The following ACTR5 variants were observed in gnomAD, a reference collection of about 807,000 sequenced individuals.
ACTR5 encodes actin-related protein 5.
ACTR5 carries 43 observed loss-of-function variants against 61.2 expected under a neutral mutation model. The observed-to-expected ratio is 0.70, with a 90% confidence interval of 0.55 to 0.91. ACTR5 has a LOEUF of 0.91. Among genes scored for constraint, ACTR5 ranks in the 40% least tolerant of loss-of-function variants. ACTR5 has a pLI of 0.00. For synonymous variants in ACTR5, 333 were observed against 310.5 expected (o/e 1.07, Z -0.76); for missense variants, 798 against 782.2 (o/e 1.02, Z -0.24).
At chr20:38,755,436 G>T (rs1393702233) in intron 4 of ACTR5, among the ~76,000 whole-genome samples, 1 of 152,120 alleles carries the variant, frequency 6.6e-6, no homozygotes, top group Non-Finnish European at 1.5e-5. Context: ...CATACATGAT[G>T]CAAAGTGCAC....
chr20:38,771,453 A>T lies in ACTR5; in HGVS notation c.1567-106A>T, dbSNP rs1353484569. The T allele has an allele frequency of 4.1e-6, 6 of 1,466,752 alleles. No homozygotes were observed. In the African/African-American group the frequency reaches 8.4e-5, roughly 21 times the overall value. 90.9% of individuals were successfully genotyped at this position (1,466,752 alleles called of 1,614,324 possible). A position where few individuals can be genotyped will look rare whatever the true frequency, so the allele number is the denominator to read the frequency against. On this transcript the variant is annotated intron_variant, in intron 8 of 8. Transcript: ENST00000243903. ...GTCTTGGAGTGCACTGGGCCCACCT[A>T]TGTGTATATTTCTGGGGATAAAATA... is the stretch of plus-strand genomic sequence containing the variant.
In ACTR5 at chr20:38,755,119, G is replaced by C. The variant is rs201062646; in HGVS notation, c.938G>C (p.Arg313Pro). ...RRLQELNARR[R>P]EEKLQLDQER... Reference sequence around the variant, plus strand: ...CTGCAGGAGCTCAATGCCCGGCGGCGGGAGGAGAAGCTGCAGCTGGATCAG... The same window carrying C: ...CTGCAGGAGCTCAATGCCCGGCGGCCGGAGGAGAAGCTGCAGCTGGATCAG... Residue 313 changes from arginine to proline, a missense_variant, in exon 4 of 9, where the codon CGG becomes CCG. By Grantham distance (103) the Arg-to-Pro change is moderately radical. Transcript: ENST00000243903. The C allele has an allele frequency of 6.2e-7, 1 of 1,613,924 alleles. No homozygotes were observed. Among genetic ancestry groups the C allele is most frequent in the Admixed American group, 1.7e-5 (1 of 59,994 alleles).
intron 2 of ACTR5, 113 bp downstream of exon 2, chr20:38,750,352 A>C: frequency 1.1e-6 from 1 of 883,444 alleles, no homozygotes; most frequent in East Asian, 2.6e-5. Flanking sequence ...CTGTGAACTG[A>C]GCCGTTGGGC....
chr20:38,750,374 C>G lies in ACTR5; in HGVS notation c.605+135C>G, dbSNP rs368739566. 7.7e-5 allele frequency: 55 copies of G among 716,788 alleles called. No individual in the cohort carries two copies. The African/African-American group carries it at 9.4e-4, about 12-fold the overall frequency. The allele number at this position is 716,788 out of a possible 1,614,324, so 44.4% of individuals were successfully genotyped here. A position where few individuals can be genotyped will look rare whatever the true frequency, so the allele number is the denominator to read the frequency against. ...CTGAGCCGTTGGGCTTAGCTTTGAA[C>G]TACCTCACTGTGTGACTGGGTAAGT... On this transcript the variant is annotated intron_variant, in intron 2 of 8. Coordinates refer to ENST00000243903, the MANE Select transcript of ACTR5 (RefSeq NM_024855.4).
intron 5 of ACTR5, among the ~76,000 whole-genome samples, chr20:38,760,177 T>A (rs2084445349): frequency 6.6e-6 from 1 of 150,466 alleles, no homozygotes. Context: ...AAAAGGAAGA[T>A]TATTTGATTT....
chr20:38,748,862 C>T lies in ACTR5; in HGVS notation c.375+9C>T, dbSNP rs370236672. On this transcript the variant is annotated intron_variant, in intron 1 of 8. Transcript: ENST00000243903. Reference sequence around the variant, plus strand: ...TGGGTGTCTCCTCACAGGTGAAGGGCGGAGTAGGCTGGGCTGGGCTGGGTT... The same window carrying T: ...TGGGTGTCTCCTCACAGGTGAAGGGTGGAGTAGGCTGGGCTGGGCTGGGTT... 2 of 1,602,090 alleles carry T rather than the reference C, an allele frequency of 1.2e-6. No individual in the cohort carries two copies. Among genetic ancestry groups the T allele is most frequent in the Admixed American group, 1.7e-5 (1 of 59,052 alleles).
intron 5 of ACTR5, among the ~76,000 whole-genome samples, chr20:38,760,152 T>TAA (rs1158633072): frequency 2.3e-5 from 3 of 130,372 alleles, no homozygotes; most frequent in Non-Finnish European, 1.6e-5. Flanking sequence ...AGACCCTGTC[T>TAA]AAAAAAAAAA....
At chr20:38,770,523 A>T (rs1282704782) in intron 8 of ACTR5, among the ~76,000 whole-genome samples, 1 of 152,186 alleles carries the variant, frequency 6.6e-6, no homozygotes, top group African/African-American at 2.4e-5. Context: ...TTATTATGAC[A>T]ATTTTTTTAT....
intron 5 of ACTR5, among the ~76,000 whole-genome samples, chr20:38,759,592 A>G (rs2084441432): frequency 6.6e-6 from 1 of 152,290 alleles, no homozygotes; most frequent in East Asian, 1.9e-4. Flanking sequence ...TGGCAGCTGA[A>G]GAAACCTCTT....
At chr20:38,760,309 C>A (rs1462336683) in intron 5 of ACTR5, among the ~76,000 whole-genome samples, 1 of 152,080 alleles carries the variant, frequency 6.6e-6, no homozygotes, top group Non-Finnish European at 1.5e-5. Flanking sequence ...CTATTAAGTT[C>A]TTTACCCATC....
chr20:38,764,052 T>C (rs777997836), intron 5 of ACTR5, among the ~76,000 whole-genome samples: 31 of 152,218 alleles, frequency 2.0e-4, no homozygotes, highest in Non-Finnish European at 4.1e-4. Flanking sequence ...CACATGACTT[T>C]TGGTGTGTGA....
At chr20:38,754,711 C>T (rs1228214310) in intron 3 of ACTR5, among the ~76,000 whole-genome samples, 1 of 152,078 alleles carries the variant, frequency 6.6e-6, no homozygotes, top group African/African-American at 2.4e-5. Flanking sequence ...GGGCGAGCCT[C>T]CCGAGTACCT....
At chr20:38,751,986 A>C in intron 2 of ACTR5, 145 bp from the exon 3 acceptor site, 1 of 910,012 alleles carries the variant, frequency 1.1e-6, no homozygotes, top group Non-Finnish European at 1.6e-6. Flanking sequence ...GGGAACTTCA[A>C]CGTCCCTTCT....
Position 38,748,619 on chromosome 20 carries a change from G to A in ACTR5, c.141G>A (p.Ala47=). 6.6e-7 allele frequency: 1 copy of A among 1,523,090 alleles called. No individual in the cohort carries two copies. Among genetic ancestry groups the A allele is most frequent in the Non-Finnish European group, 8.8e-7 (1 of 1,137,468 alleles). 94.3% of individuals were successfully genotyped at this position (1,523,090 alleles called of 1,614,324 possible). A position where few individuals can be genotyped will look rare whatever the true frequency, so the allele number is the denominator to read the frequency against. Residue 47 remains alanine, a synonymous_variant, in exon 1 of 9, where the codon GCG becomes GCA. Transcript: ENST00000243903. ...CGTTCCAAGTCCGCGCTGGCTGGGC[G>A]TGTCCCGGGCAGGACCCAGGTCCCG... ...NGSFQVRAGW[A]CPGQDPGPEP...
At position 38,748,517 on chromosome 20, in the gene ACTR5, C is replaced by G. The variant is rs1480615374; in HGVS notation, c.39C>G (p.Ala13=). ...ANVFPFRDAR[A]APDPVLEAGP... is the part of the protein sequence containing the mutation. ...TGTTCCCGTTCCGCGACGCCCGTGC[C>G]GCACCGGACCCAGTGCTGGAGGCCG... The change falls in exon 1 of 9, where the codon GCC becomes GCG. Residue 13 remains alanine (A), a synonymous_variant. Transcript: ENST00000243903. The G allele has an allele frequency of 6.7e-7, 1 of 1,500,166 alleles. No individual in the cohort carries two copies. The highest frequency in any genetic ancestry group is 1.3e-5 in the South Asian group (1 of 79,944). 92.9% of individuals were successfully genotyped at this position (1,500,166 alleles called of 1,614,324 possible). A position where few individuals can be genotyped will look rare whatever the true frequency, so the allele number is the denominator to read the frequency against.
intron 2 of ACTR5, among the ~76,000 whole-genome samples, chr20:38,751,256 C>T (rs2084385662): frequency 6.6e-6 from 1 of 152,034 alleles, no homozygotes; most frequent in African/African-American, 2.4e-5. Context: ...CAGGGTTACC[C>T]TGAGAATGAA....
intron 5 of ACTR5, among the ~76,000 whole-genome samples, chr20:38,764,605 G>T (rs2244925): frequency 6.6e-6 from 1 of 151,994 alleles, no homozygotes; most frequent in Non-Finnish European, 1.5e-5. Flanking sequence ...GCCTCTAGTC[G>T]CATTCCCAGC....
At chr20:38,758,876 T>C (rs771903203) in intron 5 of ACTR5, among the ~76,000 whole-genome samples, 18 of 152,222 alleles carry the variant, frequency 1.2e-4, no homozygotes, top group Non-Finnish European at 2.2e-4. Flanking sequence ...AAAATTCATA[T>C]TGAAATTGCA....
chr20:38,766,117 T>A (rs2084484820), intron 6 of ACTR5, 121 bp from the exon 7 acceptor site: 1 of 1,090,292 alleles, frequency 9.2e-7, no homozygotes, highest in Non-Finnish European at 1.3e-6. Flanking sequence ...TGGGAGAAGC[T>A]ATACTGGCAT....
Sources: gnomAD v4.1 joint callset for allele counts (sites outside exome capture counted in the v4.1 genomes callset) on GRCh38, gnomAD v4.1.1 for gene constraint, MANE v1.5 for transcripts, NCBI Gene and HGNC (gene_info 2026-07-23, HGNC 2026-07-21) for gene names.